F5: variants seen among roughly 807,000 people sequenced by gnomAD.
F5 encodes coagulation factor V, also known as activated protein c cofactor.
Under a neutral mutation model 216.4 loss-of-function variants are expected in F5, and 138 were observed. The observed-to-expected ratio is 0.64, with a 90% CI of 0.56 to 0.73. The LOEUF is 0.73. Ranked by LOEUF, F5 falls within the 30% of genes least tolerant of loss-of-function variation. F5 has a pLI of 0.00. For synonymous variants in F5, 916 were observed against 930.7 expected (o/e 0.98, Z 0.29); for missense variants, 2,403 against 2,674.0 (o/e 0.90, Z 2.24).
chr1:169,576,028 G>A (rs1264987022), intron 2 of F5, among the ~76,000 whole-genome samples: 1 of 152,078 alleles, frequency 6.6e-6, no homozygotes, highest in Non-Finnish European at 1.5e-5. Context: ...TTTTGAAGAT[G>A]GAGGAAGGGG....
intron 1 of F5, among the ~76,000 whole-genome samples, chr1:169,584,089 C>T (rs1426887240): frequency 6.6e-6 from 1 of 152,044 alleles, no homozygotes; most frequent in African/African-American, 2.4e-5. Context: ...AGTTATTGTC[C>T]TCCCCTGCCC....
At chr1:169,531,153 G>A in intron 14 of F5, 131 bp from the exon 15 acceptor site, 1 of 707,666 alleles carries the variant, frequency 1.4e-6, no homozygotes, top group Non-Finnish European at 2.5e-6. Context: ...AATAACTTAT[G>A]TATATTATTT....
chr1:169,572,453 C>A (rs1395645827), intron 2 of F5, 110 bp from the exon 3 acceptor site: 8 of 1,346,684 alleles, frequency 5.9e-6, no homozygotes, highest in Non-Finnish European at 8.4e-6. Context: ...ACCATTCCTC[C>A]TGGTCCTGAG....
At chr1:169,528,470 G>A (rs1399398892) in intron 16 of F5, among the ~76,000 whole-genome samples, 1 of 152,116 alleles carries the variant, frequency 6.6e-6, no homozygotes, top group East Asian at 1.9e-4. Flanking sequence ...TAAACTCCAG[G>A]GATTAGAGTC....
chr1:169,522,659 G>A (rs900968738), intron 21 of F5, among the ~76,000 whole-genome samples: 5 of 152,184 alleles, frequency 3.3e-5, no homozygotes, highest in Admixed American at 3.3e-4. Flanking sequence ...GGAATAGAGA[G>A]GAGGAGAAGA....
chr1:169,520,036 G>T (rs1275547956), intron 22 of F5, among the ~76,000 whole-genome samples: 1 of 152,148 alleles, frequency 6.6e-6, no homozygotes, highest in African/African-American at 2.4e-5. Context: ...CCTACACAGG[G>T]TATGAAAGAA....
At chr1:169,534,390 G>A (rs550142496) in intron 14 of F5, among the ~76,000 whole-genome samples, 12 of 152,220 alleles carry the variant, frequency 7.9e-5, no homozygotes, top group African/African-American at 2.4e-4. Flanking sequence ...TTGTTCAGCC[G>A]GGCGCAATGG....
Position 169,540,833 on chromosome 1 carries a change from A to G in F5, c.4257T>C (p.Asp1419=). Residue 1419 remains aspartate (D), a synonymous_variant, in exon 13 of 25, where the codon GAT becomes GAC. Coordinates refer to ENST00000367797, the MANE Select transcript of F5 (RefSeq NM_000130.5). The part of the protein sequence containing the change: ...MTLSPDLGET[D]LSPNFGQMSL... ...ACATCTGACCAAAGTTTGGGGAAAG[A>G]TCTGTCTCACCAAGGTCTGGAGAAA... 1.2e-6 allele frequency: 2 copies of G among 1,612,610 alleles called. No individual in the cohort carries two copies. The highest frequency in any genetic ancestry group is 4.5e-5 in the East Asian group (2 of 44,740).
chr1:169,546,189 AC>A (rs1659998403), intron 11 of F5, among the ~76,000 whole-genome samples: 1 of 142,958 alleles, frequency 7.0e-6, no homozygotes, highest in African/African-American at 2.5e-5. Flanking sequence ...GTACACACAC[AC>A]ACACACACAC....
intron 6 of F5, among the ~76,000 whole-genome samples, chr1:169,555,913 A>G (rs1473683854): frequency 2.0e-5 from 3 of 152,296 alleles, no homozygotes; most frequent in South Asian, 4.1e-4. Context: ...CTCATGAAGT[A>G]TCTCTTCCTT....
Position 169,532,314 on chromosome 1 carries a change from T to G in F5, c.4972-1292A>C, listed in dbSNP as rs553763377. The stretch of plus-strand genomic sequence containing the variant: ...AGACATGGATGCCCAATCTCATCAC[T>G]CTTATTCAACATAGTACTGGAAATT... On this transcript the variant is annotated intron_variant, in intron 14 of 24. Transcript: ENST00000367797. Among the ~76,000 whole-genome samples the G allele has an allele frequency of 1.3e-4, 20 of 152,226 alleles. No individual in the cohort carries two copies. The South Asian group carries it at 4.1e-3, about 32-fold the overall frequency.
intron 14 of F5, among the ~76,000 whole-genome samples, chr1:169,535,437 C>T (rs541364739): frequency 1.3e-5 from 2 of 152,240 alleles, no homozygotes; most frequent in East Asian, 3.9e-4. Context: ...TTTTTGGTTA[C>T]ATGGATGAAT....
Position 169,542,885 on chromosome 1 carries a change from T to A in F5, c.2205A>T (p.Gly735=). 6.2e-7 allele frequency: 1 copy of A among 1,614,134 alleles called. No homozygotes were observed. The highest frequency in any genetic ancestry group is 8.5e-7 in the Non-Finnish European group (1 of 1,179,992). The change falls in exon 13 of 25, where the codon GGA becomes GGT. Residue 735 remains glycine (G), a synonymous_variant. Transcript: ENST00000367797. ...ATGATGAGTTTCGGAATGACCTGAT[T>A]CCTAATGCTGCAGCCAGTCTGTTCT... ...DYQNRLAAAL[G]IRSFRNSSLN... is the part of the protein sequence containing the mutation.
intron 1 of F5, 45 bp from the exon 2 acceptor site, chr1:169,582,567 T>C (rs778948336): frequency 9.5e-7 from 1 of 1,052,120 alleles, no homozygotes; most frequent in South Asian, 1.4e-5. Flanking sequence ...ATATTCAATA[T>C]CTATTTCTCA....
intron 14 of F5, 25 bp downstream of exon 14, chr1:169,536,481 T>C (rs1221011820): frequency 6.2e-7 from 1 of 1,607,400 alleles, no homozygotes; most frequent in Non-Finnish European, 8.5e-7. Flanking sequence ...CCTCCGAAGA[T>C]CTTAGCAGTG....
chr1:169,583,457 T>C (rs1210648114), intron 1 of F5, among the ~76,000 whole-genome samples: 2 of 152,214 alleles, frequency 1.3e-5, no homozygotes, highest in African/African-American at 2.4e-5. Flanking sequence ...GAATTCAGTA[T>C]CTCTGGACTT....
At chr1:169,554,436 A>G (rs1299104534) in intron 7 of F5, among the ~76,000 whole-genome samples, 1 of 152,186 alleles carries the variant, frequency 6.6e-6, no homozygotes, top group Non-Finnish European at 1.5e-5. Context: ...ATCCTAATTT[A>G]TTAAACTAGT....
rs1334042487 is a variant in F5 at position 169,518,464 on chromosome 1, G to A, written c.6293C>T (p.Pro2098Leu). 2.5e-6 allele frequency: 4 copies of A among 1,613,650 alleles called. No individual in the cohort carries two copies. The highest frequency in any genetic ancestry group is 3.4e-6 in the Non-Finnish European group (4 of 1,179,820). ...CTGGGCATTCAGACGGGCACGGAAG[G>A]GTTCCCAGTAATCTCCCCACCAAGA... The part of the protein sequence containing the change: ...KKSWWGDYWE[P>L]FRARLNAQGR... The change falls in exon 23 of 25, where the codon CCC (proline) becomes CTC (leucine). Residue 2098 changes from proline to leucine, a missense_variant. This residue lies in a region of F5 where 659 missense variants were observed against 787.9 expected (regional missense o/e 0.84). Coordinates refer to ENST00000367797, the MANE Select transcript of F5 (RefSeq NM_000130.5).
In F5 at chr1:169,570,569, C is replaced by T. The variant is rs111768355; in HGVS notation, c.373+1652G>A. Among the ~76,000 whole-genome samples the T allele has an allele frequency of 6.3e-3, 959 of 152,180 alleles. 4 individuals carry two copies. The highest frequency in any genetic ancestry group is 0.034 in the Middle Eastern group (10 of 294). ...CACAGTTAATGCTTCATTGTTTTTC[C>T]TCAAGCCAAAGATTAAGTGCTAATG... On this transcript the variant is annotated intron_variant, in intron 3 of 24. Coordinates refer to ENST00000367797, the MANE Select transcript of F5 (RefSeq NM_000130.5).
Sources: gnomAD v4.1 joint callset for allele counts (sites outside exome capture counted in the v4.1 genomes callset) on GRCh38, gnomAD v4.1.1 for gene constraint, gnomAD v4.1.1 regional missense constraint, MANE v1.5 for transcripts, NCBI Gene and HGNC (gene_info 2026-07-23, HGNC 2026-07-21) for gene names.